Variants in PLEKHA7 observed in about 807,000 individuals in gnomAD.
The protein encoded by PLEKHA7 is pleckstrin homology domain-containing family A member 7.
A neutral mutation model predicts 170.0 loss-of-function variants in PLEKHA7; 104 were observed. The ratio of observed to expected loss-of-function variants is 0.61; its 90% CI spans 0.52 to 0.72. PLEKHA7 has a LOEUF of 0.72. Among genes scored for constraint, PLEKHA7 ranks in the 30% least tolerant of loss-of-function variants. The pLI, the probability that PLEKHA7 is intolerant of heterozygous loss-of-function variation, is 0.00. For missense variants in PLEKHA7, 1,615 were observed against 1,671.7 expected, an observed-to-expected ratio of 0.97 and a Z score of 0.59; for synonymous variants, 648 against 660.8, an observed-to-expected ratio of 0.98 and a Z score of 0.30.
chr11:16,967,653 C>A (rs567727434), intron 3 of PLEKHA7, among the ~76,000 whole-genome samples: 11 of 152,298 alleles, frequency 7.2e-5, no homozygotes, highest in African/African-American at 2.4e-4. Flanking sequence ...ACTCCATCAC[C>A]CCTGCTTTGC....
intron 3 of PLEKHA7, among the ~76,000 whole-genome samples, chr11:16,982,800 C>T (rs886541583): frequency 3.4e-5 from 5 of 147,042 alleles, no homozygotes; most frequent in African/African-American, 1.3e-4. Context: ...CACACACACA[C>T]ACACACGGAG....
rs1328269236 is a variant in PLEKHA7, at chr11:16,791,375, A to G, written c.2746-176T>C. The G allele has an allele frequency of 1.6e-6, 1 of 630,668 alleles. No homozygotes were observed. Among genetic ancestry groups the G allele is most frequent in the Admixed American group, 2.8e-5 (1 of 35,250 alleles). The allele number at this position is 630,668 out of a possible 1,614,324, so 39.1% of individuals were successfully genotyped here. A position where few individuals can be genotyped will look rare whatever the true frequency, so the allele number is the denominator to read the frequency against. On this transcript the variant is annotated intron_variant, in intron 19 of 26. Coordinates refer to ENST00000531066, the MANE Select transcript of PLEKHA7 (RefSeq NM_001329630.2). The surrounding 1 kb of genome is among the most constrained non-coding windows in gnomAD (Gnocchi z 4.5). ...CCCCTGGCGGAGCAGTGAAGAAGGG[A>G]CATGCTCTGCTCCTCTATCCCCTCA... is the stretch of plus-strand genomic sequence containing the variant.
At chr11:16,942,201 G>A (rs898436621) in intron 3 of PLEKHA7, among the ~76,000 whole-genome samples, 9 of 152,152 alleles carry the variant, frequency 5.9e-5, no homozygotes, top group Non-Finnish European at 1.3e-4. Context: ...AAACTTGGGG[G>A]GTCAGATTTT....
intron 3 of PLEKHA7, among the ~76,000 whole-genome samples, chr11:16,978,997 A>G (rs1415499872): frequency 5.3e-5 from 8 of 152,118 alleles, no homozygotes; most frequent in Admixed American, 5.2e-4. Flanking sequence ...AGCCACCAGA[A>G]CAAGATTTGT....
At chr11:16,967,849 C>A (rs1862466659) in intron 3 of PLEKHA7, among the ~76,000 whole-genome samples, 1 of 152,154 alleles carries the variant, frequency 6.6e-6, no homozygotes, top group South Asian at 2.1e-4. Flanking sequence ...CCTCACCCCA[C>A]CCCTCACCAG....
intron 4 of PLEKHA7, among the ~76,000 whole-genome samples, chr11:16,869,551 C>T (rs1446711789): frequency 2.0e-5 from 3 of 152,192 alleles, no homozygotes; most frequent in Non-Finnish European, 4.4e-5. Flanking sequence ...TGTCAGTTTC[C>T]CCATAATTAT....
chr11:16,850,211 T>G (rs1272567707), intron 8 of PLEKHA7, among the ~76,000 whole-genome samples: 1 of 152,222 alleles, frequency 6.6e-6, no homozygotes, highest in Non-Finnish European at 1.5e-5. Context: ...CTCTGTTTTA[T>G]GACCTACTGT....
intron 3 of PLEKHA7, 58 bp from the exon 4 acceptor site, chr11:16,871,240 C>T (rs946225396): frequency 5.9e-6 from 8 of 1,365,570 alleles, no homozygotes; most frequent in South Asian, 4.7e-5. Context: ...AGTACAGACA[C>T]GACAGGTCAG....
At chr11:16,895,893 T>C (rs188683913) in intron 3 of PLEKHA7, among the ~76,000 whole-genome samples, 2 of 152,242 alleles carry the variant, frequency 1.3e-5, no homozygotes, top group African/African-American at 4.8e-5. Flanking sequence ...CTGCCAAAAT[T>C]GATTAAGAGA....
intron 3 of PLEKHA7, among the ~76,000 whole-genome samples, chr11:16,981,438 G>T (rs7123383): frequency 3.9e-5 from 6 of 151,902 alleles, no homozygotes; most frequent in African/African-American, 9.7e-5. Flanking sequence ...CCTGGTCCAC[G>T]GAAGAGAAGA....
At chr11:16,892,449 GTTTT>G in intron 3 of PLEKHA7, among the ~76,000 whole-genome samples, 1 of 103,844 alleles carries the variant, frequency 9.6e-6, no homozygotes, top group Non-Finnish European at 2.4e-5. Context: ...GTTTTGTTTT[GTTTT>G]GTTTTGTTTT....
At chr11:16,888,060 G>T (rs1284103283) in intron 3 of PLEKHA7, among the ~76,000 whole-genome samples, 1 of 151,984 alleles carries the variant, frequency 6.6e-6, no homozygotes, top group Non-Finnish European at 1.5e-5. Flanking sequence ...GTTCTGGGAG[G>T]TGAGGAGCGT....
intron 3 of PLEKHA7, among the ~76,000 whole-genome samples, chr11:16,929,351 C>T (rs1036163118): frequency 6.6e-6 from 1 of 152,242 alleles, no homozygotes; most frequent in Non-Finnish European, 1.5e-5. Context: ...CATGAAGCAG[C>T]CATGACCATC....
intron 3 of PLEKHA7, among the ~76,000 whole-genome samples, chr11:16,952,000 A>G (rs1861433017): frequency 6.6e-6 from 1 of 152,220 alleles, no homozygotes; most frequent in Non-Finnish European, 1.5e-5. Flanking sequence ...CTGGACTGTG[A>G]TCTGAAATAG....
At chr11:16,925,859 C>A (rs1042276050) in intron 3 of PLEKHA7, among the ~76,000 whole-genome samples, 8 of 152,238 alleles carry the variant, frequency 5.3e-5, no homozygotes, top group Non-Finnish European at 8.8e-5. Context: ...CCGAGCCCAG[C>A]ACATTCCTTT....
chr11:16,786,395 C>T lies in PLEKHA7; in HGVS notation c.3358-8G>A, dbSNP rs974570619. The T allele has an allele frequency of 6.5e-7, 1 of 1,536,110 alleles. No individual in the cohort carries two copies. Among genetic ancestry groups the T allele is most frequent in the Admixed American group, 2.0e-5 (1 of 50,998 alleles). ...GTCCTGCTCACGCTTCCACTGGCAA[C>T]AGAACAAGAGGTTAAACGTAGTCGC... On this transcript the variant is annotated splice_region_variant and splice_polypyrimidine_tract_variant and intron_variant, in intron 23 of 26. Transcript: ENST00000531066.
chr11:16,886,437 G>A (rs413858), intron 3 of PLEKHA7, among the ~76,000 whole-genome samples: 19,316 of 152,196 alleles, frequency 0.13, 1,299 homozygotes, highest in Admixed American at 0.17. Flanking sequence ...ATTGCTGGGC[G>A]CAGTGGCTCA....
chr11:16,816,178 C>T lies in PLEKHA7; in HGVS notation c.1953G>A (p.Ser651=), dbSNP rs757383869. ...GGCTATGTCTTGTCATTCACCCTAC[C>T]GATTTTCCATGTAAACTGGGAGCGC... The part of the protein sequence containing the change: ...TVSAPSLHGK[S]ADDTYLQLKK... The change falls in exon 12 of 27, where the codon TCG becomes TCA. Residue 651 remains serine, a splice_region_variant and synonymous_variant. Coordinates refer to ENST00000531066, the MANE Select transcript of PLEKHA7 (RefSeq NM_001329630.2). The T allele has an allele frequency of 5.0e-6, 8 of 1,609,980 alleles. No homozygotes were observed. The highest frequency in any genetic ancestry group is 6.0e-6 in the Non-Finnish European group (7 of 1,176,408).
intron 3 of PLEKHA7, among the ~76,000 whole-genome samples, chr11:16,917,716 A>G (rs1342216109): frequency 1.3e-5 from 2 of 152,184 alleles, no homozygotes; most frequent in African/African-American, 2.4e-5. Flanking sequence ...CTTTTCCCAT[A>G]TAAGGTAACA....
Sources: gnomAD v4.1 joint callset for allele counts (sites outside exome capture counted in the v4.1 genomes callset) on GRCh38, gnomAD v4.1.1 for gene constraint, Gnocchi (gnomAD v3.1) non-coding constraint, MANE v1.5 for transcripts, NCBI Gene and HGNC (gene_info 2026-07-23, HGNC 2026-07-21) for gene names.